Variants in FNDC3B observed in about 807,000 individuals in gnomAD.
The protein encoded by FNDC3B is fibronectin type III domain containing 3B.
In FNDC3B, 12 loss-of-function variants were observed where a neutral mutation model predicts 151.5. The observed-to-expected ratio is 0.08, with a 90% CI of 0.05 to 0.13. The LOEUF (loss-of-function observed/expected upper bound fraction) is 0.13. Among genes scored for constraint, FNDC3B ranks in the 10% least tolerant of loss-of-function variants. The pLI is 1.00. For missense variants in FNDC3B, 1,214 were observed against 1,505.3 expected, an observed-to-expected ratio of 0.81 and a Z score of 3.20; for synonymous variants, 528 against 549.0, an observed-to-expected ratio of 0.96 and a Z score of 0.54.
At chr3:172,210,040 G>C (rs1725651106) in intron 3 of FNDC3B, among the ~76,000 whole-genome samples, 1 of 152,224 alleles carries the variant, frequency 6.6e-6, no homozygotes, top group South Asian at 2.1e-4. Flanking sequence ...CCAGGGAGTG[G>C]AAGCAGGCAC....
intron 22 of FNDC3B, among the ~76,000 whole-genome samples, chr3:172,359,148 G>A (rs1489095532): frequency 6.6e-6 from 1 of 151,958 alleles, no homozygotes; most frequent in Non-Finnish European, 1.5e-5. Context: ...AGGCTTTGAG[G>A]AAGGAAATGA....
At chr3:172,346,497 A>G in intron 20 of FNDC3B, 57 bp downstream of exon 20, 1 of 1,057,568 alleles carries the variant, frequency 9.5e-7, no homozygotes, top group Non-Finnish European at 1.4e-6. Flanking sequence ...TCCCAAATAC[A>G]AATACCAATT....
intron 20 of FNDC3B, among the ~76,000 whole-genome samples, chr3:172,347,001 G>T (rs572487694): frequency 6.6e-6 from 1 of 152,116 alleles, no homozygotes; most frequent in Non-Finnish European, 1.5e-5. Flanking sequence ...GCCGCACCTG[G>T]CCCTATTTTA....
chr3:172,339,428 T>C (rs375764210), intron 16 of FNDC3B, among the ~76,000 whole-genome samples: 6 of 152,146 alleles, frequency 3.9e-5, no homozygotes, highest in African/African-American at 1.4e-4. Context: ...CTGGGTGTGG[T>C]GGCATGTGCC....
chr3:172,349,316 T>C lies in FNDC3B; in HGVS notation c.2514+1955T>C, dbSNP rs1053495810. 3.3e-5 allele frequency among the ~76,000 whole-genome samples: 5 copies of C among 152,270 alleles called. No homozygotes were observed. The East Asian group carries it at 9.6e-4, about 29-fold the overall frequency. On this transcript the variant is annotated intron_variant, in intron 21 of 25. Transcript: ENST00000415807. ...AATTTATTATAATACCTGTACTGTG[T>C]TTTATAGAAATGTGGTGGAACATTT...
chr3:172,054,727 G>C (rs1716828633), intron 1 of FNDC3B, among the ~76,000 whole-genome samples: 1 of 152,090 alleles, frequency 6.6e-6, no homozygotes, highest in Non-Finnish European at 1.5e-5. Context: ...AGGGGGGTAG[G>C]GGGTGCAGCA....
intron 2 of FNDC3B, among the ~76,000 whole-genome samples, chr3:172,115,534 A>G (rs1720204025): frequency 6.6e-6 from 1 of 152,186 alleles, no homozygotes; most frequent in Admixed American, 6.6e-5. Flanking sequence ...GGATCAGGCT[A>G]CAGCAGACAT....
At chr3:172,122,503 G>T (rs531960829) in intron 2 of FNDC3B, among the ~76,000 whole-genome samples, 1 of 152,344 alleles carries the variant, frequency 6.6e-6, no homozygotes, top group African/African-American at 2.4e-5. Context: ...GCTAGACATG[G>T]TGGGTCCCCA....
rs574295541 is a variant in FNDC3B at position 172,273,535 on chromosome 3, A to G, written c.791-12391A>G. Among the ~76,000 whole-genome samples the G allele has an allele frequency of 1.2e-4, 19 of 152,354 alleles. No individual in the cohort carries two copies. In the East Asian group the frequency reaches 3.5e-3, roughly 28 times the overall value. Reference sequence around the variant, plus strand: ...AGCAACTGTTTGCCCCCTCAGAAACATAAGCCTAGACCACATTTTCTGGGT... The same window carrying G: ...AGCAACTGTTTGCCCCCTCAGAAACGTAAGCCTAGACCACATTTTCTGGGT... On this transcript the variant is annotated intron_variant, in intron 6 of 25. Transcript: ENST00000415807.
chr3:172,325,475 C>A (rs1449014505), intron 11 of FNDC3B, among the ~76,000 whole-genome samples: 3 of 152,212 alleles, frequency 2.0e-5, no homozygotes, highest in Admixed American at 2.0e-4. Context: ...TCGTATGAAT[C>A]TTTCAGTCCT....
At chr3:172,127,670 A>AT (rs1292359495) in intron 2 of FNDC3B, among the ~76,000 whole-genome samples, 1 of 152,110 alleles carries the variant, frequency 6.6e-6, no homozygotes, top group Non-Finnish European at 1.5e-5. Context: ...AGAACAGCAC[A>AT]TTTTTATTTT....
Position 172,041,028 on chromosome 3 carries a change from C to A in FNDC3B, c.-29+1257C>A, listed in dbSNP as rs148423847. Among the ~76,000 whole-genome samples the A allele has an allele frequency of 1.8e-4, 28 of 152,316 alleles. No homozygotes were observed. In the East Asian group the frequency reaches 5.4e-3, roughly 29 times the overall value. On this transcript the variant is annotated intron_variant, in intron 1 of 25. Coordinates refer to ENST00000415807, the MANE Select transcript of FNDC3B (RefSeq NM_022763.4). Reference sequence around the variant, plus strand: ...TCCAGACAGTGCCGTTTGCAGACTTCCTTAAAAGTTATAACTTTTTGTTTT... The same window carrying A: ...TCCAGACAGTGCCGTTTGCAGACTTACTTAAAAGTTATAACTTTTTGTTTT...
chr3:172,070,285 TCAATA>T (rs1717702897), intron 1 of FNDC3B, among the ~76,000 whole-genome samples: 1 of 152,326 alleles, frequency 6.6e-6, no homozygotes, highest in East Asian at 1.9e-4. Context: ...CTGAGATCTG[TCAATA>T]GAGTGCAACC....
chr3:172,062,156 C>T (rs1717232458), intron 1 of FNDC3B, among the ~76,000 whole-genome samples: 1 of 152,084 alleles, frequency 6.6e-6, no homozygotes, highest in Non-Finnish European at 1.5e-5. Context: ...ATGAAGTGCT[C>T]AGTCCCCATT....
chr3:172,266,349 T>TC (rs1330962492), intron 6 of FNDC3B, among the ~76,000 whole-genome samples: 3 of 152,176 alleles, frequency 2.0e-5, no homozygotes, highest in African/African-American at 4.8e-5. Flanking sequence ...TTCTTTTTTT[T>TC]CCCCCATAGA....
chr3:172,164,380 T>A (rs1004168467), intron 3 of FNDC3B, among the ~76,000 whole-genome samples: 1 of 152,172 alleles, frequency 6.6e-6, no homozygotes, highest in Admixed American at 6.5e-5. Flanking sequence ...CTAAGAGGAA[T>A]TTACAACATC....
intron 24 of FNDC3B, among the ~76,000 whole-genome samples, chr3:172,379,452 G>T (rs758966792): frequency 5.3e-4 from 80 of 152,224 alleles, no homozygotes; most frequent in Non-Finnish European, 7.2e-4. Context: ...AACTTTCCAG[G>T]ACCTGGGTCA....
At chr3:172,280,539 CAG>C (rs1455158593) in intron 6 of FNDC3B, among the ~76,000 whole-genome samples, 1 of 152,150 alleles carries the variant, frequency 6.6e-6, no homozygotes, top group Non-Finnish European at 1.5e-5. Flanking sequence ...GATGTTATGA[CAG>C]GGATATCTAC....
At chr3:172,109,225 G>A (rs1719835435) in intron 1 of FNDC3B, among the ~76,000 whole-genome samples, 2 of 149,698 alleles carry the variant, frequency 1.3e-5, no homozygotes, top group Admixed American at 6.6e-5. Flanking sequence ...GAGTGCAGTG[G>A]TGGGATCTCG....
Sources: gnomAD v4.1 joint callset for allele counts (sites outside exome capture counted in the v4.1 genomes callset) on GRCh38, gnomAD v4.1.1 for gene constraint, MANE v1.5 for transcripts, NCBI Gene and HGNC (gene_info 2026-07-23, HGNC 2026-07-21) for gene names.